Variants in VDAC1 observed in about 807,000 individuals in gnomAD.
VDAC1 encodes the protein non-selective voltage-gated ion channel VDAC1.
A neutral mutation model predicts 34.7 loss-of-function variants in VDAC1; 10 were observed. That is an observed-to-expected ratio of 0.29 (90% CI 0.18 to 0.49). The LOEUF is 0.49. Among genes scored for constraint, VDAC1 ranks in the 20% least tolerant of loss-of-function variants. The pLI is 0.99. For synonymous variants in VDAC1, 130 were observed against 136.0 expected (o/e 0.96, Z 0.30); for missense variants, 230 against 347.9 (o/e 0.66, Z 2.69).
intron 3 of VDAC1, 110 bp from the exon 4 acceptor site, chr5:133,991,264 G>C: frequency 7.3e-7 from 1 of 1,365,706 alleles, no homozygotes; most frequent in Non-Finnish European, 1.0e-6. Context: ...CCTGAATGTG[G>C]GGGGGCCAAG....
At chr5:134,074,756 A>T in the VDAC1 span, among the ~76,000 whole-genome samples, 1 of 152,058 alleles carries the variant, frequency 6.6e-6, no homozygotes, top group Non-Finnish European at 1.5e-5. Flanking sequence ...CCTGAAGAAC[A>T]ATGCTTACCC....
the VDAC1 span, among the ~76,000 whole-genome samples, chr5:134,030,732 T>C: frequency 6.6e-6 from 1 of 152,008 alleles, no homozygotes; most frequent in Non-Finnish European, 1.5e-5. Context: ...CTCAGCCTCC[T>C]GAGAATCTGG....
chr5:134,101,280 G>A, the VDAC1 span, among the ~76,000 whole-genome samples: 2 of 152,182 alleles, frequency 1.3e-5, no homozygotes, highest in African/African-American at 2.4e-5. Flanking sequence ...CCTAGAAGAT[G>A]ATGCTGTTAA....
chr5:134,077,329 C>G, the VDAC1 span, among the ~76,000 whole-genome samples: 1 of 151,220 alleles, frequency 6.6e-6, no homozygotes, highest in Non-Finnish European at 1.5e-5. Context: ...CCTCTTTACT[C>G]TCCCAATTGC....
At chr5:134,006,961 C>T (rs968026801), upstream of VDAC1, among the ~76,000 whole-genome samples, 3 of 151,342 alleles carry the variant, frequency 2.0e-5, no homozygotes, top group Non-Finnish European at 4.4e-5. Context: ...AGTAGGCACT[C>T]GGCCCCGTGC....
chr5:134,006,529 G>A (rs995042313), upstream of VDAC1, among the ~76,000 whole-genome samples: 11 of 152,096 alleles, frequency 7.2e-5, no homozygotes, highest in Non-Finnish European at 1.5e-4. Context: ...GATCACTTGA[G>A]GCCAGGACTT....
At chr5:134,114,330 A>T in the VDAC1 span, among the ~76,000 whole-genome samples, 1 of 152,036 alleles carries the variant, frequency 6.6e-6, no homozygotes, top group Admixed American at 6.5e-5. Flanking sequence ...TGGGCACGAT[A>T]CAGTTCACAC....
chr5:133,998,003 G>A (rs993064176), intron 1 of VDAC1, among the ~76,000 whole-genome samples: 3 of 151,258 alleles, frequency 2.0e-5, no homozygotes, highest in Non-Finnish European at 2.9e-5. Context: ...GGAGGTGGAG[G>A]TTGTGGTGAG....
At chr5:133,983,536 T>G (rs1252710538) in intron 5 of VDAC1, among the ~76,000 whole-genome samples, 1 of 152,084 alleles carries the variant, frequency 6.6e-6, no homozygotes, top group African/African-American at 2.4e-5. Context: ...TTTGTATGTT[T>G]CAGATTTCTC....
chr5:134,022,740 T>C, the VDAC1 span, among the ~76,000 whole-genome samples: 3 of 152,192 alleles, frequency 2.0e-5, no homozygotes, highest in African/African-American at 7.2e-5. Context: ...CTTCATCAGT[T>C]TCTTATAAAA....
At chr5:134,049,563 C>T in the VDAC1 span, among the ~76,000 whole-genome samples, 3 of 152,262 alleles carry the variant, frequency 2.0e-5, no homozygotes, top group South Asian at 4.1e-4. Context: ...TTGGTACAAA[C>T]ATTTCTAAAG....
chr5:134,005,967 C>T (rs902394502), upstream of VDAC1, among the ~76,000 whole-genome samples: 3 of 152,104 alleles, frequency 2.0e-5, no homozygotes, highest in African/African-American at 7.2e-5. Context: ...GCAACTGGGG[C>T]TACGGAGGAG....
chr5:134,003,388 G>A (rs933470074), intron 1 of VDAC1, among the ~76,000 whole-genome samples: 4 of 152,182 alleles, frequency 2.6e-5, no homozygotes, highest in Non-Finnish European at 5.9e-5. Flanking sequence ...TAGTCAAGGG[G>A]ACAGGGACCC....
At chr5:134,080,461 C>T in the VDAC1 span, among the ~76,000 whole-genome samples, 1 of 65,988 alleles carries the variant, frequency 1.5e-5, no homozygotes, top group African/African-American at 5.5e-5. Context: ...TGGGACCTTG[C>T]AGTGAAACAA....
chr5:133,978,857 A>G (rs1488024927), intron 6 of VDAC1, among the ~76,000 whole-genome samples: 3 of 152,066 alleles, frequency 2.0e-5, no homozygotes, highest in South Asian at 2.1e-4. Flanking sequence ...CACAAAAAAT[A>G]CAAAAATTAG....
intron 1 of VDAC1, among the ~76,000 whole-genome samples, chr5:134,000,437 G>A (rs1753503192): frequency 6.6e-6 from 1 of 152,180 alleles, no homozygotes; most frequent in African/African-American, 2.4e-5. Flanking sequence ...CACCTATCAA[G>A]GGGAGATGGC....
the VDAC1 span, among the ~76,000 whole-genome samples, chr5:134,080,677 G>C: frequency 6.6e-6 from 1 of 152,186 alleles, no homozygotes; most frequent in South Asian, 2.1e-4. Flanking sequence ...GACTGGGCTA[G>C]TGCTGTATCT....
the VDAC1 span, among the ~76,000 whole-genome samples, chr5:134,034,197 AAG>A: frequency 1.3e-5 from 2 of 152,116 alleles, no homozygotes; most frequent in Non-Finnish European, 1.5e-5. Flanking sequence ...AAAAAATAAA[AAG>A]AACTCTACAC....
chr5:134,048,499 C>T, the VDAC1 span, among the ~76,000 whole-genome samples: 108 of 149,312 alleles, frequency 7.2e-4, no homozygotes, highest in African/African-American at 2.6e-3. Flanking sequence ...ACTCCTACTC[C>T]TGGGCTCAAG....
Sources: gnomAD v4.1 joint callset for allele counts (sites outside exome capture counted in the v4.1 genomes callset) on GRCh38, gnomAD v4.1.1 for gene constraint, MANE v1.5 for transcripts, NCBI Gene and HGNC (gene_info 2026-07-23, HGNC 2026-07-21) for gene names.